The following RYR2 variants were observed in gnomAD, a reference collection of about 807,000 sequenced individuals.
The protein encoded by RYR2 is cardiac muscle ryanodine receptor-calcium release channel.
A neutral mutation model predicts 601.1 loss-of-function variants in RYR2; 227 were observed. The observed-to-expected ratio is 0.38, with a 90% confidence interval of 0.34 to 0.42. The LOEUF (loss-of-function observed/expected upper bound fraction) is 0.42. Ranked by LOEUF, RYR2 falls within the 10% of genes least tolerant of loss-of-function variation. The pLI is 1.00. For synonymous variants in RYR2, 2,223 were observed against 2,175.1 expected (o/e 1.02, Z -0.61); for missense variants, 4,646 against 6,156.5 (o/e 0.75, Z 8.21).
intron 40 of RYR2, among the ~76,000 whole-genome samples, chr1:237,627,236 A>G: frequency 6.6e-6 from 1 of 152,220 alleles, no homozygotes; most frequent in Admixed American, 6.5e-5. Flanking sequence ...CTGTGTATGT[A>G]GTAACTTTTC....
intron 1 of RYR2, among the ~76,000 whole-genome samples, chr1:237,073,401 C>A (rs1664622964): frequency 6.6e-6 from 1 of 152,160 alleles, no homozygotes; most frequent in East Asian, 1.9e-4. Flanking sequence ...CTGTCCTGCT[C>A]TGCATTTGAA....
intron 24 of RYR2, among the ~76,000 whole-genome samples, chr1:237,514,057 T>A (rs1666176222): frequency 6.6e-6 from 1 of 152,224 alleles, no homozygotes; most frequent in Non-Finnish European, 1.5e-5. Context: ...GAGCCCTGTG[T>A]CCTGAGTACG....
chr1:237,174,214 G>C (rs1324077762), intron 1 of RYR2, among the ~76,000 whole-genome samples: 1 of 152,172 alleles, frequency 6.6e-6, no homozygotes, highest in Admixed American at 6.5e-5. Flanking sequence ...AAGGTGTATA[G>C]TGAGGTTAGA....
intron 1 of RYR2, among the ~76,000 whole-genome samples, chr1:237,070,435 G>A (rs142519533): frequency 6.6e-6 from 1 of 152,096 alleles, no homozygotes; most frequent in African/African-American, 2.4e-5. Flanking sequence ...GAGAATAAAG[G>A]TCTTATACTC....
At chr1:237,419,806 T>C (rs992857579) in intron 11 of RYR2, among the ~76,000 whole-genome samples, 14 of 152,334 alleles carry the variant, frequency 9.2e-5, no homozygotes, top group Non-Finnish European at 1.5e-4. Flanking sequence ...ATTGTAGATA[T>C]GTAAATTAAG....
Position 237,088,334 on chromosome 1 carries a change from A to G in RYR2, c.48+45765A>G, listed in dbSNP as rs1666586122. 2.6e-5 allele frequency among the ~76,000 whole-genome samples: 4 copies of G among 152,188 alleles called. No individual in the cohort carries two copies. The South Asian group carries it at 8.3e-4, about 32-fold the overall frequency. On this transcript the variant is annotated intron_variant, in intron 1 of 104. Coordinates refer to ENST00000366574, the MANE Select transcript of RYR2 (RefSeq NM_001035.3). ...ACCACTCATGAATCTCAGGAGAGAT[A>G]AAGAGAGATAGGATGCAAGGGCTTG... is the stretch of plus-strand genomic sequence containing the variant.
chr1:237,506,652 G>T (rs980023986), intron 22 of RYR2, 58 bp from the exon 23 acceptor site: 1 of 1,172,380 alleles, frequency 8.5e-7, no homozygotes. Flanking sequence ...AAGACTGTTG[G>T]CACTGCATCT....
At chr1:237,232,178 CT>C (rs1195772759) in intron 1 of RYR2, among the ~76,000 whole-genome samples, 1 of 152,148 alleles carries the variant, frequency 6.6e-6, no homozygotes, top group Non-Finnish European at 1.5e-5. Flanking sequence ...TGATTGATGG[CT>C]TGCAGAACCT....
chr1:237,712,990 G>A (rs1688968276), intron 71 of RYR2, among the ~76,000 whole-genome samples: 1 of 152,156 alleles, frequency 6.6e-6, no homozygotes, highest in Non-Finnish European at 1.5e-5. Context: ...CCACTCCACT[G>A]ACCTCCAAAA....
intron 84 of RYR2, among the ~76,000 whole-genome samples, chr1:237,768,225 C>A (rs1488339610): frequency 6.6e-6 from 1 of 152,118 alleles, no homozygotes; most frequent in Non-Finnish European, 1.5e-5. Context: ...GATATAAACA[C>A]AATTAATAAA....
intron 2 of RYR2, among the ~76,000 whole-genome samples, chr1:237,310,429 G>C (rs1047376443): frequency 2.4e-4 from 37 of 152,168 alleles, no homozygotes; most frequent in African/African-American, 8.5e-4. Flanking sequence ...CAGATAAAAG[G>C]TTAAATATCT....
At position 237,524,840 on chromosome 1, in the gene RYR2, C is replaced by G. The variant is rs189221940; in HGVS notation, c.2823-5587C>G. ...GTCAGTCTCTTTTTTCTGTTGAGAC[C>G]TTTCACTGATTAGTTGAGGCCCAGT... On this transcript the variant is annotated intron_variant, in intron 24 of 104. Coordinates refer to ENST00000366574, the MANE Select transcript of RYR2 (RefSeq NM_001035.3). Among the ~76,000 whole-genome samples the G allele has an allele frequency of 3.3e-3, 504 of 152,150 alleles. 4 individuals carry two copies. Among genetic ancestry groups the G allele is most frequent in the African/African-American group, 0.011 (475 of 41,512 alleles).
At chr1:237,137,016 CAAAA>C (rs1167110660) in intron 1 of RYR2, among the ~76,000 whole-genome samples, 3 of 41,190 alleles carry the variant, frequency 7.3e-5, no homozygotes, top group South Asian at 9.8e-4. Context: ...GACTCCATCT[CAAAA>C]AAAAAAAAAA....
chr1:237,074,903 G>A (rs1441216854), intron 1 of RYR2, among the ~76,000 whole-genome samples: 1 of 152,130 alleles, frequency 6.6e-6, no homozygotes, highest in Non-Finnish European at 1.5e-5. Flanking sequence ...TTTGAAGCTG[G>A]TGTATGTCTA....
intron 94 of RYR2, 49 bp downstream of exon 94, chr1:237,792,372 T>TGTGTGTGTGTGTGC (rs1558425485): frequency 9.3e-5 from 83 of 897,250 alleles, no homozygotes; most frequent in South Asian, 6.6e-4. Flanking sequence ...TGTGTGTGTG[T>TGTGTGTGTGTGTGC]GTGTGTGTGC....
chr1:237,308,772 C>G (rs12729784), intron 2 of RYR2, among the ~76,000 whole-genome samples: 2 of 151,922 alleles, frequency 1.3e-5, no homozygotes, highest in African/African-American at 2.4e-5. Flanking sequence ...GCTTCTACAC[C>G]GTGGAAAGGG....
At chr1:237,267,605 C>G (rs190595062) in intron 1 of RYR2, 17 of 325,390 alleles carry the variant, frequency 5.2e-5, no homozygotes, top group Non-Finnish European at 9.6e-5. Context: ...CCTTTCTGGG[C>G]CCTAGATCCT....
rs562280936 is a variant in RYR2, at chr1:237,334,477, A to G, written c.273+3495A>G. Among the ~76,000 whole-genome samples, 10 of 151,134 alleles carry G rather than the reference A, an allele frequency of 6.6e-5. No homozygotes were observed. In the East Asian group the frequency reaches 1.5e-3, roughly 23 times the overall value. ...TATATATATGTTAAAAGAGAGACCT[A>G]GATCCAGTATTTATATAATTACATT... On this transcript the variant is annotated intron_variant, in intron 3 of 104. Transcript: ENST00000366574.
At chr1:237,228,345 T>C (rs1684621999) in intron 1 of RYR2, among the ~76,000 whole-genome samples, 1 of 152,240 alleles carries the variant, frequency 6.6e-6, no homozygotes. Context: ...ATCATATATA[T>C]ATCTCACAGT....
Sources: gnomAD v4.1 joint callset for allele counts (sites outside exome capture counted in the v4.1 genomes callset) on GRCh38, gnomAD v4.1.1 for gene constraint, MANE v1.5 for transcripts, NCBI Gene and HGNC (gene_info 2026-07-23, HGNC 2026-07-21) for gene names.